The following ABLIM1 variants were observed in gnomAD, a reference collection of about 807,000 sequenced individuals.
The protein encoded by ABLIM1 is actin-binding LIM protein 1.
ABLIM1 carries 40 observed loss-of-function variants against 107.0 expected under a neutral mutation model. That is an observed-to-expected ratio of 0.37 (90% CI 0.29 to 0.49). The LOEUF (loss-of-function observed/expected upper bound fraction) is 0.49, where lower values mean the gene tolerates loss of function less well. ABLIM1 is among the 20% of genes least tolerant of loss of function. ABLIM1 has a pLI of 0.97. For missense variants in ABLIM1, 857 were observed against 1,008.5 expected, an observed-to-expected ratio of 0.85 and a Z score of 2.04; for synonymous variants, 357 against 357.3, an observed-to-expected ratio of 1.00 and a Z score of 0.01.
chr10:114,520,136 T>C (rs1057509097), intron 6 of ABLIM1, among the ~76,000 whole-genome samples: 2 of 152,230 alleles, frequency 1.3e-5, no homozygotes, highest in African/African-American at 2.4e-5. Flanking sequence ...GGCAGGGCCA[T>C]AGTAAACAGT....
chr10:114,714,897 C>A (rs2081627973), intron 1 of ABLIM1, among the ~76,000 whole-genome samples: 2 of 151,978 alleles, frequency 1.3e-5, no homozygotes, highest in African/African-American at 2.4e-5. Context: ...TCTGATTATC[C>A]CTCTCTGTCT....
chr10:114,485,220 A>G, intron 8 of ABLIM1: 1 of 1,174,506 alleles, frequency 8.5e-7, no homozygotes, highest in South Asian at 1.7e-5. Flanking sequence ...ATGTGAGAAA[A>G]GCAGCCCAGG....
chr10:114,572,472 CAG>C (rs1230824002), intron 3 of ABLIM1, among the ~76,000 whole-genome samples: 1 of 152,156 alleles, frequency 6.6e-6, no homozygotes, highest in Non-Finnish European at 1.5e-5. Context: ...CCAGTCATCA[CAG>C]AGAGTTTTAA....
chr10:114,514,937 G>A (rs1010337374), intron 6 of ABLIM1, among the ~76,000 whole-genome samples: 28 of 152,154 alleles, frequency 1.8e-4, no homozygotes, highest in African/African-American at 6.5e-4. Flanking sequence ...TATTAGTATA[G>A]TCACCATGAG....
At position 114,439,223 on chromosome 10, in the gene ABLIM1, T is replaced by C. The variant is rs746794140; in HGVS notation, c.2095A>G (p.Met699Val). 8 of 1,614,238 alleles carry C rather than the reference T, an allele frequency of 5.0e-6. No homozygotes were observed. In the African/African-American group the frequency reaches 8.0e-5, roughly 16 times the overall value. ...ATAGACACTCCTCGGTCCATTCTCA[T>C]TGCAGGCATGTGGCCATCTGGGAGT... ...QTLPDGHMPA[M>V]RMDRGVSMPN... is the part of the protein sequence containing the mutation. The change falls in exon 21 of 23, where the codon ATG becomes GTG. Residue 699 changes from methionine (M) to valine (V), a missense_variant. By Grantham distance (21) the Met-to-Val change is conservative (BLOSUM62 1). This residue lies in a region of ABLIM1 where 193 missense variants were observed against 208.5 expected (regional missense o/e 0.93). Transcript: ENST00000533213.
chr10:114,776,924 G>GT, the ABLIM1 span, among the ~76,000 whole-genome samples: 2 of 152,098 alleles, frequency 1.3e-5, no homozygotes, highest in Non-Finnish European at 2.9e-5. Flanking sequence ...AGCCTAAAAT[G>GT]TTTTTTAATT....
chr10:114,779,579 C>T, the ABLIM1 span: 1 of 152,114 alleles, frequency 6.6e-6, no homozygotes, highest in South Asian at 2.1e-4. Flanking sequence ...TACATATACA[C>T]AAAGAAATAT....
In ABLIM1 at chr10:114,571,295, A is replaced by ACTG. The variant is rs573606552; in HGVS notation, c.672_673+1dup. On this transcript the variant is annotated splice_donor_variant, in intron 4 of 22. Transcript: ENST00000533213. LOFTEE classifies it high-confidence loss of function. ...ACGTCAGTGGGTCACCGGGGCACTT[A>ACTG]CTGCTGGAGAAGGTGGTTTCTTTCG... 2.9e-3 allele frequency: 4,680 copies of ACTG among 1,614,078 alleles called. 11 individuals are homozygous for ACTG. Among genetic ancestry groups the ACTG allele is most frequent in the Non-Finnish European group, 3.2e-3 (3,776 of 1,179,912 alleles).
intron 5 of ABLIM1, among the ~76,000 whole-genome samples, chr10:114,545,999 C>T (rs573398689): frequency 6.6e-6 from 1 of 151,728 alleles, no homozygotes; most frequent in African/African-American, 2.4e-5. Context: ...CATTCATTCC[C>T]CTACAAGGGG....
At chr10:114,514,791 A>C (rs888339918) in intron 6 of ABLIM1, among the ~76,000 whole-genome samples, 1 of 152,224 alleles carries the variant, frequency 6.6e-6, no homozygotes, top group East Asian at 1.9e-4. Flanking sequence ...ATTTAGCAGA[A>C]GTTAAGACTA....
intron 1 of ABLIM1, among the ~76,000 whole-genome samples, chr10:114,622,058 C>T (rs772939942): frequency 6.6e-6 from 1 of 152,142 alleles, no homozygotes; most frequent in Non-Finnish European, 1.5e-5. Flanking sequence ...CCTCAAGTGG[C>T]ACATGGCAGC....
At chr10:114,791,197 T>G in the ABLIM1 span, among the ~76,000 whole-genome samples, 1 of 152,126 alleles carries the variant, frequency 6.6e-6, no homozygotes, top group African/African-American at 2.4e-5. Context: ...TCCCGCCACA[T>G]AAGCCTCCTG....
the ABLIM1 span, among the ~76,000 whole-genome samples, chr10:114,791,800 T>C: frequency 2.0e-5 from 3 of 151,866 alleles, no homozygotes; most frequent in Admixed American, 2.0e-4. Flanking sequence ...AGAAATGAAA[T>C]CTAAAAGGAA....
At chr10:114,494,241 A>C (rs188063965) in intron 6 of ABLIM1, among the ~76,000 whole-genome samples, 319 of 152,330 alleles carry the variant, frequency 2.1e-3, no homozygotes, top group African/African-American at 6.1e-3. Flanking sequence ...CTATACAAAA[A>C]TCAATTCCAG....
intron 8 of ABLIM1, among the ~76,000 whole-genome samples, chr10:114,478,207 A>G (rs1365443503): frequency 6.6e-6 from 1 of 152,200 alleles, no homozygotes; most frequent in East Asian, 1.9e-4. Flanking sequence ...ATTACCTCCA[A>G]TTTGAATACA....
chr10:114,635,610 G>GC (rs1310017735), intron 1 of ABLIM1, among the ~76,000 whole-genome samples: 1 of 152,192 alleles, frequency 6.6e-6, no homozygotes, highest in East Asian at 1.9e-4. Context: ...TGCAACCTCC[G>GC]CCTCCTAGGT....
chr10:114,784,928 C>T, the ABLIM1 span, among the ~76,000 whole-genome samples: 1 of 152,132 alleles, frequency 6.6e-6, no homozygotes, highest in Admixed American at 6.6e-5. Flanking sequence ...TTTCTATTTA[C>T]CCTTTTCTGT....
intron 1 of ABLIM1, among the ~76,000 whole-genome samples, chr10:114,738,740 ACTC>A (rs2082231129): frequency 1.3e-5 from 2 of 151,928 alleles, no homozygotes; most frequent in Non-Finnish European, 2.9e-5. Flanking sequence ...TCATTCATAA[ACTC>A]CTTGTTGGAT....
intron 6 of ABLIM1, among the ~76,000 whole-genome samples, chr10:114,504,369 T>A (rs1374529021): frequency 6.6e-6 from 1 of 151,588 alleles, no homozygotes; most frequent in Admixed American, 6.6e-5. Flanking sequence ...TTCTCCTAAG[T>A]CCATTCCCCA....
Sources: gnomAD v4.1 joint callset for allele counts (sites outside exome capture counted in the v4.1 genomes callset) on GRCh38, gnomAD v4.1.1 for gene constraint, gnomAD v4.1.1 regional missense constraint, MANE v1.5 for transcripts, NCBI Gene and HGNC (gene_info 2026-07-23, HGNC 2026-07-21) for gene names.